The following ARHGEF38 variants were observed in gnomAD, a reference collection of about 807,000 sequenced individuals.
The protein encoded by ARHGEF38 is Rho guanine nucleotide exchange factor (GEF) 38.
ARHGEF38 carries 79 observed loss-of-function variants against 79.9 expected under a neutral mutation model. That is an observed-to-expected ratio of 0.99 (90% CI 0.82 to 1.19). The LOEUF (loss-of-function observed/expected upper bound fraction) is 1.19, where lower values mean the gene tolerates loss of function less well. ARHGEF38 is among the 50% of genes most tolerant of loss of function. The pLI, the probability that ARHGEF38 is intolerant of heterozygous loss-of-function variation, is 0.00. For synonymous variants in ARHGEF38, 366 were observed against 328.3 expected (o/e 1.11, Z -1.24); for missense variants, 962 against 907.2 (o/e 1.06, Z -0.78).
chr4:105,646,766 A>AT (rs1465117899), intron 6 of ARHGEF38, among the ~76,000 whole-genome samples: 4 of 152,184 alleles, frequency 2.6e-5, no homozygotes, highest in African/African-American at 9.7e-5. Flanking sequence ...CCACAAGAAG[A>AT]TAAAAATTAA....
At chr4:105,652,541 A>G (rs1730147439) in intron 7 of ARHGEF38, among the ~76,000 whole-genome samples, 1 of 152,198 alleles carries the variant, frequency 6.6e-6, no homozygotes, top group South Asian at 2.1e-4. Flanking sequence ...AAGGCAGGAA[A>G]CGAACAGCAG....
At chr4:105,670,311 T>C (rs1450909073) in intron 13 of ARHGEF38, among the ~76,000 whole-genome samples, 3 of 152,216 alleles carry the variant, frequency 2.0e-5, no homozygotes, top group African/African-American at 7.2e-5. Flanking sequence ...TTATTATTTG[T>C]CTTTTTAATT....
chr4:105,577,518 A>G (rs937368050), intron 1 of ARHGEF38, among the ~76,000 whole-genome samples: 3 of 152,010 alleles, frequency 2.0e-5, no homozygotes, highest in Admixed American at 6.6e-5. Context: ...AATGTCTGAT[A>G]GAATTCAGCT....
Position 105,621,708 on chromosome 4 carries a change from A to C in ARHGEF38, c.508+8201A>C, listed in dbSNP as rs560010583. ...TGTGGGAGATACTACATTGGAGCTC[A>C]CTTAAATGAATTTTTCAGGATTATT... On this transcript the variant is annotated intron_variant, in intron 3 of 13. Coordinates refer to ENST00000420470, the MANE Select transcript of ARHGEF38 (RefSeq NM_001242729.2). Among the ~76,000 whole-genome samples, 20 of 152,294 alleles carry C rather than the reference A, an allele frequency of 1.3e-4. No individual in the cohort carries two copies. In the South Asian group the frequency reaches 3.1e-3, roughly 24 times the overall value.
chr4:105,594,376 A>C (rs1174727089), intron 2 of ARHGEF38, among the ~76,000 whole-genome samples: 1 of 152,216 alleles, frequency 6.6e-6, no homozygotes, highest in Admixed American at 6.5e-5. Context: ...CATCACTGTC[A>C]AAATGTGTAG....
At chr4:105,645,412 T>G in intron 6 of ARHGEF38, 25 bp downstream of exon 6, 1 of 1,479,592 alleles carries the variant, frequency 6.8e-7, no homozygotes, top group Non-Finnish European at 9.0e-7. Flanking sequence ...GATGAATTGG[T>G]TGTTTTCCAT....
At chr4:105,635,804 A>T (rs67822595) in intron 4 of ARHGEF38, among the ~76,000 whole-genome samples, 51,940 of 151,664 alleles carry the variant, frequency 0.34, 12,710 homozygotes, top group African/African-American at 0.69. Context: ...TGCTGATTTT[A>T]AAAAAATTAT....
chr4:105,568,216 G>A (rs1315376927), intron 1 of ARHGEF38, among the ~76,000 whole-genome samples: 1 of 151,936 alleles, frequency 6.6e-6, no homozygotes, highest in African/African-American at 2.4e-5. Flanking sequence ...AGACATTTAT[G>A]CAGCCAAAAA....
rs1398897270 is a variant in ARHGEF38, at chr4:105,565,707, C to T, written c.196+12746C>T. Among the ~76,000 whole-genome samples the T allele has an allele frequency of 6.6e-5, 10 of 152,222 alleles. No individual in the cohort carries two copies. In the South Asian group the frequency reaches 2.1e-3, roughly 32 times the overall value. On this transcript the variant is annotated intron_variant, in intron 1 of 13. Coordinates refer to ENST00000420470, the MANE Select transcript of ARHGEF38 (RefSeq NM_001242729.2). The stretch of plus-strand genomic sequence containing the variant: ...ACTTACTCTCTCTAGAAATTAGCTT[C>T]CTTTTTTTATATAATGAGATAGAGC...
At chr4:105,569,110 A>T (rs1316744247) in intron 1 of ARHGEF38, among the ~76,000 whole-genome samples, 1 of 152,210 alleles carries the variant, frequency 6.6e-6, no homozygotes, top group African/African-American at 2.4e-5. Flanking sequence ...AGTAATAATA[A>T]GCTGTGTACT....
At chr4:105,573,989 A>G (rs1726360597) in intron 1 of ARHGEF38, among the ~76,000 whole-genome samples, 1 of 152,122 alleles carries the variant, frequency 6.6e-6, no homozygotes, top group South Asian at 2.1e-4. Flanking sequence ...GTGAATGGAA[A>G]CACTTTCTTA....
At chr4:105,671,481 T>A (rs1170932666) in intron 13 of ARHGEF38, among the ~76,000 whole-genome samples, 2 of 152,208 alleles carry the variant, frequency 1.3e-5, no homozygotes, top group African/African-American at 4.8e-5. Flanking sequence ...CCCCCTGTAA[T>A]GCATAATGCA....
At chr4:105,570,094 G>A (rs1726146759) in intron 1 of ARHGEF38, 1 of 152,168 alleles carries the variant, frequency 6.6e-6, no homozygotes, top group Non-Finnish European at 1.5e-5. Context: ...AGCACATAAA[G>A]TTTGAATCCA....
chr4:105,655,902 G>A (rs1207442438), intron 9 of ARHGEF38, among the ~76,000 whole-genome samples, 180 bp downstream of exon 9: 4 of 152,150 alleles, frequency 2.6e-5, no homozygotes, highest in African/African-American at 9.6e-5. Context: ...AAGTGGATTA[G>A]TGAGGATTTT....
intron 1 of ARHGEF38, among the ~76,000 whole-genome samples, chr4:105,560,268 G>A (rs1252799514): frequency 2.0e-5 from 3 of 152,094 alleles, no homozygotes; most frequent in African/African-American, 4.8e-5. Flanking sequence ...AATTACAAAG[G>A]TAGGTTAAGC....
intron 3 of ARHGEF38, among the ~76,000 whole-genome samples, chr4:105,621,574 G>A (rs1728735819): frequency 6.6e-6 from 1 of 152,174 alleles, no homozygotes; most frequent in Admixed American, 6.5e-5. Flanking sequence ...GCAGTGCTTT[G>A]TTTTCCTAAA....
rs1444578626 is a variant in ARHGEF38, at chr4:105,552,920, G to C, written c.155G>C (p.Arg52Thr). The C allele has an allele frequency of 6.2e-7, 1 of 1,613,294 alleles. No individual in the cohort carries two copies. The highest frequency in any genetic ancestry group is 8.5e-7 in the Non-Finnish European group (1 of 1,179,712). The change falls in exon 1 of 14, where the codon AGG becomes ACG. Residue 52 changes from arginine (R) to threonine (T), a missense_variant. Coordinates refer to ENST00000420470, the MANE Select transcript of ARHGEF38 (RefSeq NM_001242729.2). ...GGGGACCACTCTGGCACCTTGAGGA[G>C]GAGCCAATCTGACAGGACCGAATAC... ...VSGDHSGTLR[R>T]SQSDRTEYNQ...
intron 13 of ARHGEF38, among the ~76,000 whole-genome samples, chr4:105,669,091 T>C (rs1394785470): frequency 1.3e-5 from 2 of 152,084 alleles, no homozygotes; most frequent in African/African-American, 4.8e-5. Flanking sequence ...TTTAGTCCCT[T>C]CTCCCCTTGT....
At chr4:105,615,577 G>C (rs913361526) in intron 3 of ARHGEF38, among the ~76,000 whole-genome samples, 7 of 152,178 alleles carry the variant, frequency 4.6e-5, no homozygotes, top group Non-Finnish European at 1.5e-5. Flanking sequence ...TGATTTTAGT[G>C]TATTACGTAA....
Sources: gnomAD v4.1 joint callset for allele counts (sites outside exome capture counted in the v4.1 genomes callset) on GRCh38, gnomAD v4.1.1 for gene constraint, MANE v1.5 for transcripts, NCBI Gene and HGNC (gene_info 2026-07-23, HGNC 2026-07-21) for gene names.